Variants in CTNNA3 observed in about 807,000 individuals in gnomAD.
CTNNA3 encodes catenin alpha 3.
A neutral mutation model predicts 95.7 loss-of-function variants in CTNNA3; 76 were observed. The observed-to-expected ratio is 0.79, with a 90% CI of 0.66 to 0.96. CTNNA3 has a LOEUF of 0.96. Ranked by LOEUF, CTNNA3 falls within the 40% of genes least tolerant of loss-of-function variation. The pLI, the probability that CTNNA3 is intolerant of heterozygous loss-of-function variation, is 0.00. For synonymous variants in CTNNA3, 431 were observed against 374.4 expected, an observed-to-expected ratio of 1.15 and a Z score of -1.74; for missense variants, 1,191 against 1,089.8, an observed-to-expected ratio of 1.09 and a Z score of -1.31.
At chr10:67,437,340 G>A (rs990390793) in intron 5 of CTNNA3, among the ~76,000 whole-genome samples, 1 of 152,062 alleles carries the variant, frequency 6.6e-6, no homozygotes, top group Non-Finnish European at 1.5e-5. Flanking sequence ...GGAGTGGGGT[G>A]AGGGATAAAA....
intron 9 of CTNNA3, among the ~76,000 whole-genome samples, chr10:66,636,387 A>G (rs1395592530): frequency 6.6e-6 from 1 of 152,100 alleles, no homozygotes; most frequent in Non-Finnish European, 1.5e-5. Context: ...AGGATAGGAT[A>G]AGACACTTGC....
intron 9 of CTNNA3, among the ~76,000 whole-genome samples, chr10:66,658,587 GGA>G (rs953265996): frequency 2.6e-5 from 4 of 152,126 alleles, no homozygotes; most frequent in Admixed American, 1.3e-4. Flanking sequence ...TGCCAGCATT[GGA>G]GAGTTTGCAT....
intron 13 of CTNNA3, among the ~76,000 whole-genome samples, chr10:66,238,342 T>G (rs2089957320): frequency 6.6e-6 from 1 of 152,058 alleles, no homozygotes; most frequent in Non-Finnish European, 1.5e-5. Context: ...TATTTTATAA[T>G]GTTATAGTGT....
At chr10:65,941,113 C>A (rs976502629) in intron 17 of CTNNA3, among the ~76,000 whole-genome samples, 2 of 152,176 alleles carry the variant, frequency 1.3e-5, no homozygotes, top group Admixed American at 1.3e-4. Context: ...GTAAGCAGTG[C>A]TTATTATGTG....
intron 1 of CTNNA3, among the ~76,000 whole-genome samples, chr10:67,738,421 C>A (rs1841315161): frequency 6.6e-6 from 1 of 152,122 alleles, no homozygotes; most frequent in African/African-American, 2.4e-5. Flanking sequence ...AGGACATCCA[C>A]ACCAAAACCC....
chr10:66,413,851 G>A (rs1224597447), intron 11 of CTNNA3, among the ~76,000 whole-genome samples: 2 of 152,086 alleles, frequency 1.3e-5, no homozygotes, highest in South Asian at 2.1e-4. Context: ...AATTTCCCAC[G>A]TTTAAATATC....
At chr10:67,178,843 T>A (rs1197963838) in intron 7 of CTNNA3, among the ~76,000 whole-genome samples, 1 of 152,068 alleles carries the variant, frequency 6.6e-6, no homozygotes, top group East Asian at 1.9e-4. Flanking sequence ...CCTTGAAAAA[T>A]CTTTAAGAAT....
At chr10:67,719,059 C>G (rs1042655464) in intron 1 of CTNNA3, among the ~76,000 whole-genome samples, 3 of 152,176 alleles carry the variant, frequency 2.0e-5, no homozygotes, top group Non-Finnish European at 4.4e-5. Flanking sequence ...GGAATTTATC[C>G]ATTTCTTCTA....
chr10:66,472,038 T>A (rs554371883), intron 11 of CTNNA3, among the ~76,000 whole-genome samples: 1 of 151,988 alleles, frequency 6.6e-6, no homozygotes, highest in Non-Finnish European at 1.5e-5. Context: ...AAACAGCAGA[T>A]TGTTTTGTAT....
chr10:67,478,606 A>G (rs755397194), intron 5 of CTNNA3, among the ~76,000 whole-genome samples: 2 of 152,198 alleles, frequency 1.3e-5, no homozygotes, highest in African/African-American at 2.4e-5. Flanking sequence ...CCACTAGAGG[A>G]GCCTAACAAG....
intron 13 of CTNNA3, among the ~76,000 whole-genome samples, chr10:66,110,551 C>T (rs2082084315): frequency 6.6e-6 from 1 of 151,808 alleles, no homozygotes; most frequent in Non-Finnish European, 1.5e-5. Context: ...TACTATTTAG[C>T]CTTTAAAAAA....
chr10:66,031,549 C>G (rs2079449499), intron 15 of CTNNA3, among the ~76,000 whole-genome samples: 1 of 151,930 alleles, frequency 6.6e-6, no homozygotes, highest in South Asian at 2.1e-4. Context: ...GACACTGGAG[C>G]CTCCAAAGTT....
intron 2 of CTNNA3, among the ~76,000 whole-genome samples, chr10:67,619,374 A>G (rs12246095): frequency 0.39 from 58,949 of 152,012 alleles, 14,466 homozygotes; most frequent in African/African-American, 0.7. Context: ...AGAAAGGACA[A>G]TTTCTTCAAT....
At chr10:67,440,492 C>T (rs765186567) in intron 5 of CTNNA3, among the ~76,000 whole-genome samples, 4 of 152,090 alleles carry the variant, frequency 2.6e-5, no homozygotes, top group Non-Finnish European at 5.9e-5. Context: ...ATGAGCTAGT[C>T]AGTAGCCAGT....
chr10:67,551,546 A>G (rs1342784587), intron 3 of CTNNA3, among the ~76,000 whole-genome samples: 8 of 152,196 alleles, frequency 5.3e-5, no homozygotes, highest in African/African-American at 1.9e-4. Context: ...TCATTGAGCT[A>G]ACGCAAGCCG....
chr10:66,068,046 C>T (rs1051311577), intron 15 of CTNNA3, among the ~76,000 whole-genome samples: 2 of 152,120 alleles, frequency 1.3e-5, no homozygotes, highest in Admixed American at 1.3e-4. Flanking sequence ...CGCATATTCC[C>T]AAATTACTAT....
intron 5 of CTNNA3, among the ~76,000 whole-genome samples, chr10:67,458,778 G>A (rs1248603602): frequency 6.6e-6 from 1 of 152,114 alleles, no homozygotes; most frequent in Non-Finnish European, 1.5e-5. Context: ...CACTTATCAT[G>A]AGAACAGCAT....
intron 11 of CTNNA3, among the ~76,000 whole-genome samples, chr10:66,447,214 T>C (rs1292703498): frequency 6.6e-6 from 1 of 152,096 alleles, no homozygotes; most frequent in Non-Finnish European, 1.5e-5. Flanking sequence ...TGCTCATGGG[T>C]AGGAAGAATC....
At chr10:66,763,343 G>C (rs528879813) in intron 9 of CTNNA3, among the ~76,000 whole-genome samples, 13,141 of 133,548 alleles carry the variant, frequency 0.098, 760 homozygotes, top group Non-Finnish European at 0.15. Context: ...CACACACACA[G>C]AGAGAGAGAG....
Sources: gnomAD v4.1 joint callset for allele counts (sites outside exome capture counted in the v4.1 genomes callset) on GRCh38, gnomAD v4.1.1 for gene constraint, MANE v1.5 for transcripts, NCBI Gene and HGNC (gene_info 2026-07-23, HGNC 2026-07-21) for gene names.